CADM3: variants seen among roughly 807,000 people sequenced by gnomAD.
CADM3 encodes the protein TSLC1-like 1.
Under a neutral mutation model 44.9 loss-of-function variants are expected in CADM3, and 11 were observed. The ratio of observed to expected loss-of-function variants is 0.25; its 90% CI spans 0.15 to 0.41. The LOEUF (loss-of-function observed/expected upper bound fraction) is 0.41, where lower values mean the gene tolerates loss of function less well. Among genes scored for constraint, CADM3 ranks in the 10% least tolerant of loss-of-function variants. CADM3 has a pLI of 1.00. For missense variants in CADM3, 426 were observed against 512.0 expected, an observed-to-expected ratio of 0.83 and a Z score of 1.62; for synonymous variants, 207 against 205.2, an observed-to-expected ratio of 1.01 and a Z score of -0.08.
intron 1 of CADM3, among the ~76,000 whole-genome samples, chr1:159,186,978 T>C (rs1450416966): frequency 6.6e-6 from 1 of 152,176 alleles, no homozygotes; most frequent in East Asian, 1.9e-4. Flanking sequence ...TCAGTTTGGT[T>C]TGAATGATCT....
chr1:159,187,958 T>G (rs1010141909), intron 1 of CADM3, among the ~76,000 whole-genome samples: 2 of 151,852 alleles, frequency 1.3e-5, no homozygotes, highest in Non-Finnish European at 2.9e-5. Flanking sequence ...CTTGCCTCTC[T>G]TTTATCGACA....
chr1:159,192,279 G>GT (rs765843080), intron 2 of CADM3, among the ~76,000 whole-genome samples: 28 of 152,126 alleles, frequency 1.8e-4, no homozygotes, highest in Non-Finnish European at 3.4e-4. Flanking sequence ...ACAGGGTTCT[G>GT]GAGTGACTTC....
rs754620552 is a variant in CADM3, at chr1:159,196,654, C to G, written c.782+200C>G. 31 of 634,248 alleles carry G rather than the reference C, an allele frequency of 4.9e-5. 1 individual carries two copies. Among genetic ancestry groups the G allele is most frequent in the South Asian group, 2.6e-4 (13 of 49,786 alleles). 39.3% of individuals were successfully genotyped at this position (634,248 alleles called of 1,614,324 possible). On this transcript the variant is annotated intron_variant, in intron 6 of 8. Coordinates refer to ENST00000368125, the MANE Select transcript of CADM3 (RefSeq NM_001127173.3). ...AAGGGGCCACTCCCTAACTCAGTCC[C>G]TGAGTTTCCCACAAAGGCCAAGTTA...
chr1:159,173,239 G>C (rs1302570821), intron 1 of CADM3, among the ~76,000 whole-genome samples: 1 of 151,582 alleles, frequency 6.6e-6, no homozygotes, highest in Non-Finnish European at 1.5e-5. Flanking sequence ...CGGGGGTGGA[G>C]AGGGGAGGGG....
At chr1:159,191,808 C>G (rs181694505) in intron 1 of CADM3, 128 bp from the exon 2 acceptor site, 129 of 1,044,770 alleles carry the variant, frequency 1.2e-4, no homozygotes, top group Admixed American at 8.5e-4. Flanking sequence ...TGAAACCTTA[C>G]GGGTACACAG....
At chr1:159,187,617 G>C (rs1649468947) in intron 1 of CADM3, among the ~76,000 whole-genome samples, 2 of 152,162 alleles carry the variant, frequency 1.3e-5, no homozygotes. Flanking sequence ...CCACTCATTT[G>C]AGCAAAGGCC....
At chr1:159,186,163 T>C (rs1649409211) in intron 1 of CADM3, among the ~76,000 whole-genome samples, 1 of 152,126 alleles carries the variant, frequency 6.6e-6, no homozygotes, top group African/African-American at 2.4e-5. Context: ...AAAGCGTTCA[T>C]AGAGAGAATT....
At chr1:159,199,237 C>T (rs1472591684) in intron 7 of CADM3, among the ~76,000 whole-genome samples, 1 of 151,446 alleles carries the variant, frequency 6.6e-6, no homozygotes, top group African/African-American at 2.4e-5. Context: ...GAATATCAAG[C>T]AGACAGGAGG....
intron 7 of CADM3, among the ~76,000 whole-genome samples, chr1:159,199,082 C>T (rs1477622265): frequency 6.6e-6 from 1 of 152,134 alleles, no homozygotes; most frequent in Non-Finnish European, 1.5e-5. Context: ...TAGATTGTGG[C>T]CCCTTACATC....
intron 5 of CADM3, chr1:159,196,154 A>C: frequency 1.8e-6 from 1 of 542,574 alleles, no homozygotes; most frequent in Admixed American, 3.2e-5. Context: ...ACCTTCCAGA[A>C]TCCTATCACA....
In CADM3 at chr1:159,196,376, C is replaced by T. The variant is rs778876352; in HGVS notation, c.704C>T (p.Ala235Val). The change falls in exon 6 of 9, where the codon GCG becomes GTG. Residue 235 changes from alanine to valine, a missense_variant. By Grantham distance (64) the Ala-to-Val change is moderately conservative. Transcript: ENST00000368125. ...QRIEVLYTPT[A>V]MIRPDPPHPR... is the part of the protein sequence containing the mutation. Reference sequence around the variant, plus strand: ...TCCTTCTCCACAGACACACCAACTGCGATGATTAGGCCAGACCCTCCCCAT... The same window carrying T: ...TCCTTCTCCACAGACACACCAACTGTGATGATTAGGCCAGACCCTCCCCAT... 4.3e-6 allele frequency: 7 copies of T among 1,613,850 alleles called. No homozygotes were observed. Among genetic ancestry groups the T allele is most frequent in the Admixed American group, 1.7e-5 (1 of 60,002 alleles).
chr1:159,193,002 A>T (rs1370764507), intron 3 of CADM3, among the ~76,000 whole-genome samples: 1 of 152,118 alleles, frequency 6.6e-6, no homozygotes. Flanking sequence ...CCTTCTACTT[A>T]CCTCCCAAGA....
intron 1 of CADM3, among the ~76,000 whole-genome samples, chr1:159,175,421 T>C (rs749765908): frequency 1.3e-5 from 2 of 152,242 alleles, no homozygotes; most frequent in Non-Finnish European, 2.9e-5. Context: ...AGCTTCTCCA[T>C]AGATCTGGAT....
chr1:159,196,553 C>T (rs1374327676), intron 6 of CADM3, 99 bp downstream of exon 6: 7 of 951,296 alleles, frequency 7.4e-6, no homozygotes, highest in Non-Finnish European at 1.1e-5. Context: ...TATTGTCTGA[C>T]CTGAGCCTCT....
At chr1:159,190,924 T>C (rs1200610630) in intron 1 of CADM3, among the ~76,000 whole-genome samples, 1 of 152,206 alleles carries the variant, frequency 6.6e-6, no homozygotes, top group Non-Finnish European at 1.5e-5. Flanking sequence ...CTGGAAGGTG[T>C]TGTCTATTTT....
At chr1:159,200,289 C>T (rs187742392) in intron 8 of CADM3, among the ~76,000 whole-genome samples, 92 of 152,284 alleles carry the variant, frequency 6.0e-4, no homozygotes, top group African/African-American at 2.2e-3. Flanking sequence ...TTCCTCTCCC[C>T]CTTTTCTACC....
At chr1:159,179,512 G>T (rs1454747503) in intron 1 of CADM3, among the ~76,000 whole-genome samples, 1 of 152,166 alleles carries the variant, frequency 6.6e-6, no homozygotes, top group African/African-American at 2.4e-5. Flanking sequence ...TCATCTGTAG[G>T]CTAGCCATTA....
rs748612054 is a variant in CADM3, at chr1:159,193,440, A to G, written c.400A>G (p.Ile134Val). ...VTVLGIPQKP[I>V]ITGYKSSLRE... ...CATGGCAGGAATTCCACAGAAGCCC[A>G]TCATCACTGGTTATAAATCTTCATT... is the stretch of plus-strand genomic sequence containing the variant. Residue 134 changes from isoleucine (I) to valine (V), a missense_variant, in exon 4 of 9, where the codon ATC becomes GTC. Ile to Val is a conservative substitution (Grantham distance 29). This residue lies in a region of CADM3 where 362 missense variants were observed against 474.6 expected (regional missense o/e 0.76). Coordinates refer to ENST00000368125, the MANE Select transcript of CADM3 (RefSeq NM_001127173.3). The G allele has an allele frequency of 1.9e-6, 3 of 1,604,130 alleles. No homozygotes were observed. Among genetic ancestry groups the G allele is most frequent in the Non-Finnish European group, 2.6e-6 (3 of 1,173,126 alleles).
intron 3 of CADM3, 83 bp downstream of exon 3, chr1:159,192,813 A>T (rs1241765040): frequency 1.4e-6 from 2 of 1,409,362 alleles, no homozygotes; most frequent in East Asian, 4.7e-5. Context: ...AGCAGCTGGG[A>T]GCCAGGCAAG....
Sources: gnomAD v4.1 joint callset for allele counts (sites outside exome capture counted in the v4.1 genomes callset) on GRCh38, gnomAD v4.1.1 for gene constraint, gnomAD v4.1.1 regional missense constraint, MANE v1.5 for transcripts, NCBI Gene and HGNC (gene_info 2026-07-23, HGNC 2026-07-21) for gene names.